The following PALM2AKAP2 variants were observed in gnomAD, a reference collection of about 807,000 sequenced individuals.
PALM2AKAP2 encodes the protein PALM2-AKAP2 fusion protein.
PALM2AKAP2 carries 37 observed loss-of-function variants against 71.5 expected under a neutral mutation model. The observed-to-expected ratio is 0.52, with a 90% confidence interval of 0.40 to 0.68. The LOEUF is 0.68. Among genes scored for constraint, PALM2AKAP2 ranks in the 30% least tolerant of loss-of-function variants. The pLI is 0.00. For synonymous variants in PALM2AKAP2, 468 were observed against 478.8 expected, an observed-to-expected ratio of 0.98 and a Z score of 0.29; for missense variants, 1,224 against 1,191.8, an observed-to-expected ratio of 1.03 and a Z score of -0.40.
intron 3 of PALM2AKAP2, among the ~76,000 whole-genome samples, chr9:109,907,904 A>C (rs1830484382): frequency 6.6e-6 from 1 of 152,182 alleles, no homozygotes; most frequent in African/African-American, 2.4e-5. Context: ...CCTCCTTCCT[A>C]GTCTCTGTTT....
At chr9:109,750,930 G>A (rs190233262) in intron 1 of PALM2AKAP2, among the ~76,000 whole-genome samples, 36 of 152,138 alleles carry the variant, frequency 2.4e-4, no homozygotes, top group Admixed American at 2.2e-3. Context: ...TTCAAGACAG[G>A]TTTCTTTCCC....
At chr9:109,686,794 A>G (rs1827811344) in intron 1 of PALM2AKAP2, among the ~76,000 whole-genome samples, 1 of 151,824 alleles carries the variant, frequency 6.6e-6, no homozygotes, top group African/African-American at 2.4e-5. Flanking sequence ...CTCATTTAAC[A>G]TTAGGTATAT....
At chr9:109,746,255 T>G (rs866903677) in intron 1 of PALM2AKAP2, among the ~76,000 whole-genome samples, 28 of 152,192 alleles carry the variant, frequency 1.8e-4, no homozygotes, top group African/African-American at 6.0e-4. Context: ...ACTTTTGCTG[T>G]TTAGGCTTGC....
intron 5 of PALM2AKAP2, among the ~76,000 whole-genome samples, chr9:109,929,612 C>T (rs1462412101): frequency 6.6e-6 from 1 of 151,988 alleles, no homozygotes; most frequent in Non-Finnish European, 1.5e-5. Context: ...CGCCTGTAAT[C>T]CCAGCACTTT....
intron 2 of PALM2AKAP2, among the ~76,000 whole-genome samples, chr9:110,141,987 G>C (rs1274464482): frequency 2.0e-5 from 3 of 151,688 alleles, no homozygotes; most frequent in Middle Eastern, 3.4e-3. Context: ...GACAATGAAT[G>C]ATAGAAGTTC....
upstream of PALM2AKAP2, among the ~76,000 whole-genome samples, chr9:110,047,308 C>T (rs1421114214): frequency 1.3e-5 from 2 of 152,196 alleles, no homozygotes; most frequent in Non-Finnish European, 2.9e-5. Flanking sequence ...TCATCCTCTT[C>T]CTTGGGTGAA....
At chr9:109,843,495 A>ATT in intron 1 of PALM2AKAP2, among the ~76,000 whole-genome samples, 1 of 152,038 alleles carries the variant, frequency 6.6e-6, no homozygotes, top group East Asian at 1.9e-4. Flanking sequence ...GTACATGTGT[A>ATT]TTACTTGTAT....
At chr9:109,851,209 C>A (rs4455938) in intron 1 of PALM2AKAP2, among the ~76,000 whole-genome samples, 3,930 of 144,362 alleles carry the variant, frequency 0.027, 81 homozygotes, top group East Asian at 0.053. Flanking sequence ...ACAACAACAA[C>A]AAAAAAAAAA....
At chr9:109,984,672 C>T (rs1250537813) in intron 6 of PALM2AKAP2, among the ~76,000 whole-genome samples, 2 of 149,934 alleles carry the variant, frequency 1.3e-5, no homozygotes, top group African/African-American at 4.9e-5. Flanking sequence ...GCCTGGGCAG[C>T]ATAGGAAGAA....
chr9:110,154,246 T>G (rs958991444), intron 2 of PALM2AKAP2, among the ~76,000 whole-genome samples: 8 of 152,152 alleles, frequency 5.3e-5, no homozygotes, highest in Admixed American at 4.6e-4. Flanking sequence ...TCATACCCAT[T>G]TTACTGATGA....
chr9:109,680,960 T>C (rs1016905118), intron 1 of PALM2AKAP2, among the ~76,000 whole-genome samples: 4 of 152,106 alleles, frequency 2.6e-5, no homozygotes, highest in African/African-American at 9.7e-5. Context: ...GATCCCAGAG[T>C]TAGACAATAA....
At chr9:109,909,168 A>G (rs188838010) in intron 3 of PALM2AKAP2, among the ~76,000 whole-genome samples, 601 of 152,270 alleles carry the variant, frequency 3.9e-3, no homozygotes, top group African/African-American at 0.014. Flanking sequence ...GCACGCACAC[A>G]CACACACACA....
At chr9:110,117,469 A>G (rs1028271965) in intron 1 of PALM2AKAP2, among the ~76,000 whole-genome samples, 42 of 152,176 alleles carry the variant, frequency 2.8e-4, no homozygotes, top group African/African-American at 9.9e-4. Context: ...ACTCCACTTC[A>G]GCTTTTCATC....
At chr9:109,994,412 T>C (rs958837245) in intron 6 of PALM2AKAP2, among the ~76,000 whole-genome samples, 2 of 152,196 alleles carry the variant, frequency 1.3e-5, no homozygotes, top group Admixed American at 6.5e-5. Flanking sequence ...TTGAGAAACC[T>C]CAGGCTTTTT....
At chr9:109,764,783 G>T (rs1048284381) in intron 1 of PALM2AKAP2, among the ~76,000 whole-genome samples, 3 of 151,334 alleles carry the variant, frequency 2.0e-5, no homozygotes, top group Non-Finnish European at 2.9e-5. Flanking sequence ...TGGATGCATG[G>T]GTAGATGAAT....
At chr9:109,727,619 A>C (rs183745894) in intron 1 of PALM2AKAP2, among the ~76,000 whole-genome samples, 13 of 152,348 alleles carry the variant, frequency 8.5e-5, no homozygotes, top group Admixed American at 8.5e-4. Flanking sequence ...TTTGATGGGC[A>C]CTAGCCCATT....
At chr9:109,678,909 T>G (rs1197954982) in intron 1 of PALM2AKAP2, among the ~76,000 whole-genome samples, 1 of 152,200 alleles carries the variant, frequency 6.6e-6, no homozygotes, top group Non-Finnish European at 1.5e-5. Flanking sequence ...AGATACAACG[T>G]GCAAAGGCTT....
chr9:110,004,694 C>G (rs1588054058), intron 6 of PALM2AKAP2, among the ~76,000 whole-genome samples: 1 of 152,220 alleles, frequency 6.6e-6, no homozygotes, highest in African/African-American at 2.4e-5. Context: ...GGTCTTTTCA[C>G]AAGTCCCATT....
intron 1 of PALM2AKAP2, among the ~76,000 whole-genome samples, chr9:110,075,572 G>C (rs1417879457): frequency 1.3e-5 from 2 of 151,812 alleles, no homozygotes; most frequent in African/African-American, 4.8e-5. Context: ...ATTTTAAACT[G>C]CCCTCATTCT....
Sources: gnomAD v4.1 joint callset for allele counts (sites outside exome capture counted in the v4.1 genomes callset) on GRCh38, gnomAD v4.1.1 for gene constraint, MANE v1.5 for transcripts, NCBI Gene and HGNC (gene_info 2026-07-23, HGNC 2026-07-21) for gene names.